Variants in PROKR1 observed in about 807,000 individuals in gnomAD.
The protein encoded by PROKR1 is prokineticin receptor 1.
In PROKR1, 21 loss-of-function variants were observed where a neutral mutation model predicts 22.8. That is an observed-to-expected ratio of 0.92 (90% CI 0.65 to 1.32). PROKR1 has a LOEUF of 1.32. Ranked by LOEUF, PROKR1 falls within the 40% of genes most tolerant of loss-of-function variation. PROKR1 has a pLI of 0.00. For missense variants in PROKR1, 548 were observed against 514.2 expected (o/e 1.07, Z -0.64); for synonymous variants, 193 against 207.5 (o/e 0.93, Z 0.60).
rs1673429575 is a variant in PROKR1, at chr2:68,655,403, A to G, written c.1009A>G (p.Ile337Val). Residue 337 changes from isoleucine (I) to valine (V), a missense_variant, in exon 3 of 3, where the codon ATC becomes GTC. By Grantham distance (29) the Ile-to-Val change is conservative (BLOSUM62 3). Coordinates refer to ENST00000303786, the MANE Select transcript of PROKR1 (RefSeq NM_138964.4). ...GTGCATCGCCATGAGCAACAGCATG[A>G]TCAACACTCTGTGCTTCGTGACCGT... Reference protein sequence around the residue: ...VECIAMSNSMINTLCFVTVKN... With the variant: ...VECIAMSNSMVNTLCFVTVKN... 1 of 1,614,180 alleles carries G rather than the reference A, an allele frequency of 6.2e-7. No homozygotes were observed. Among genetic ancestry groups the G allele is most frequent in the Non-Finnish European group, 8.5e-7 (1 of 1,179,968 alleles).
intron 2 of PROKR1, among the ~76,000 whole-genome samples, chr2:68,651,793 T>G (rs1395112851): frequency 6.6e-6 from 1 of 152,232 alleles, no homozygotes; most frequent in Non-Finnish European, 1.5e-5. Flanking sequence ...ATCACAGTTA[T>G]TGCCTGGACC....
chr2:68,652,378 G>A (rs894701050), intron 2 of PROKR1, among the ~76,000 whole-genome samples: 3 of 152,164 alleles, frequency 2.0e-5, no homozygotes, highest in Non-Finnish European at 4.4e-5. Context: ...CAAAGCTGAT[G>A]GAAATTCTTG....
intron 2 of PROKR1, among the ~76,000 whole-genome samples, chr2:68,651,071 G>A (rs895705733): frequency 6.6e-6 from 1 of 152,152 alleles, no homozygotes; most frequent in African/African-American, 2.4e-5. Context: ...GAGGGCAGGA[G>A]GAAAATGAGG....
rs915071867 is a variant in PROKR1 at position 68,654,774 on chromosome 2, T to G, written c.486-106T>G. 6 of 1,122,860 alleles carry G rather than the reference T, an allele frequency of 5.3e-6. No homozygotes were observed. The African/African-American group carries it at 9.6e-5, about 18-fold the overall frequency. 69.6% of individuals were successfully genotyped at this position (1,122,860 alleles called of 1,614,324 possible). On this transcript the variant is annotated intron_variant, in intron 2 of 2. Coordinates refer to ENST00000303786, the MANE Select transcript of PROKR1 (RefSeq NM_138964.4). ...GATCATGCCACTGCACTCACTGCAC[T>G]CCAGCCTGGGTGACAGAGCAAAACC...
At chr2:68,654,792 G>C in intron 2 of PROKR1, 88 bp from the exon 3 acceptor site, 1 of 1,295,674 alleles carries the variant, frequency 7.7e-7, no homozygotes, top group East Asian at 2.4e-5. Flanking sequence ...GGGTGACAGA[G>C]CAAAACCCTG....
rs1490833526 is a variant in PROKR1, at chr2:68,655,792, G to A, written c.*216G>A. ...CATTTGCTGAATGTCTAATTTACAC[G>A]CCAGTAGGTACTGGTAAAACCTATA... On this transcript the variant is annotated 3_prime_UTR_variant, in exon 3 of 3. Coordinates refer to ENST00000303786, the MANE Select transcript of PROKR1 (RefSeq NM_138964.4). 6.7e-6 allele frequency: 4 copies of A among 599,024 alleles called. No homozygotes were observed. Among genetic ancestry groups the A allele is most frequent in the South Asian group, 2.0e-5 (1 of 51,274 alleles). 37.1% of individuals were successfully genotyped at this position (599,024 alleles called of 1,614,324 possible).
chr2:68,651,612 C>T (rs997883956), intron 2 of PROKR1, among the ~76,000 whole-genome samples: 1 of 152,176 alleles, frequency 6.6e-6, no homozygotes, highest in Non-Finnish European at 1.5e-5. Context: ...ACAGAAACCT[C>T]CTGGTGAGCT....
At position 68,655,392 on chromosome 2, in the gene PROKR1, G is replaced by A. The variant is rs1558580435; in HGVS notation, c.998G>A (p.Ser333Asn). The A allele has an allele frequency of 8.1e-6, 13 of 1,614,120 alleles. No individual in the cohort carries two copies. The highest frequency in any genetic ancestry group is 1.1e-5 in the Non-Finnish European group (13 of 1,179,966). The change falls in exon 3 of 3, where the codon AGC becomes AAC. Residue 333 changes from serine to asparagine, a missense_variant. By Grantham distance (46) the Ser-to-Asn change is conservative. Coordinates refer to ENST00000303786, the MANE Select transcript of PROKR1 (RefSeq NM_138964.4). ...TACATCGTCGAGTGCATCGCCATGA[G>A]CAACAGCATGATCAACACTCTGTGC... is the stretch of plus-strand genomic sequence containing the variant. ...AFYIVECIAM[S>N]NSMINTLCFV...
Position 68,646,223 on chromosome 2 carries a change from C to A in PROKR1, c.402C>A (p.His134Gln). The A allele has an allele frequency of 6.2e-7, 1 of 1,613,470 alleles. No homozygotes were observed. Among genetic ancestry groups the A allele is most frequent in the Non-Finnish European group, 8.5e-7 (1 of 1,179,596 alleles). Residue 134 changes from histidine to glutamine, a missense_variant, in exon 2 of 3, where the codon CAC becomes CAA. Transcript: ENST00000303786. ...GCCAGCTCTCCTGGGAGCACGGCCA[C>A]GTCCTGTGCACCTCTGTCAACTACC... ...VVRQLSWEHG[H>Q]VLCTSVNYLR...
intron 2 of PROKR1, among the ~76,000 whole-genome samples, chr2:68,650,485 C>T (rs1003106312): frequency 1.3e-5 from 2 of 152,094 alleles, no homozygotes; most frequent in East Asian, 1.9e-4. Flanking sequence ...TATTGTGCCC[C>T]GACCTCCCAA....
Position 68,657,612 on chromosome 2 carries a change from T to G in PROKR1, c.*2036T>G, listed in dbSNP as rs937246271. ...ATGGAATAGTTGTTTCTCAGTCTGTTTTTATTCTCACGAGTGTGTAGGCTA... is the reference window on the plus strand; with the variant it reads ...ATGGAATAGTTGTTTCTCAGTCTGTGTTTATTCTCACGAGTGTGTAGGCTA... On this transcript the variant is annotated 3_prime_UTR_variant, in exon 3 of 3. Coordinates refer to ENST00000303786, the MANE Select transcript of PROKR1 (RefSeq NM_138964.4). The G allele has an allele frequency of 6.6e-6, 1 of 152,196 alleles. No homozygotes were observed. The highest frequency in any genetic ancestry group is 6.5e-5 in the Admixed American group (1 of 15,282). The allele number at this position is 152,196 out of a possible 1,614,324, so 9.4% of individuals were successfully genotyped here. A position where few individuals can be genotyped will look rare whatever the true frequency, so the allele number is the denominator to read the frequency against.
chr2:68,655,427 G>T lies in PROKR1; in HGVS notation c.1033G>T (p.Val345Phe). 3 of 1,614,060 alleles carry T rather than the reference G, an allele frequency of 1.9e-6. No individual in the cohort carries two copies. Among genetic ancestry groups the T allele is most frequent in the Non-Finnish European group, 2.5e-6 (3 of 1,179,904 alleles). ...SMINTLCFVT[V>F]KNDTVKYFKK... is the part of the protein sequence containing the mutation. ...GATCAACACTCTGTGCTTCGTGACC[G>T]TCAAGAACGACACCGTCAAGTACTT... The change falls in exon 3 of 3, where the codon GTC becomes TTC. Residue 345 changes from valine to phenylalanine, a missense_variant. Physicochemically the swap from Val to Phe is conservative, Grantham distance 50. Coordinates refer to ENST00000303786, the MANE Select transcript of PROKR1 (RefSeq NM_138964.4).
At chr2:68,649,252 G>C (rs1220306433) in intron 2 of PROKR1, among the ~76,000 whole-genome samples, 1 of 152,164 alleles carries the variant, frequency 6.6e-6, no homozygotes, top group Non-Finnish European at 1.5e-5. Flanking sequence ...TAACCTAGAA[G>C]AAAGTCTCCT....
intron 1 of PROKR1, among the ~76,000 whole-genome samples, chr2:68,644,675 C>T (rs1673136114): frequency 6.6e-6 from 1 of 152,188 alleles, no homozygotes; most frequent in African/African-American, 2.4e-5. Flanking sequence ...CCTCTGTTCT[C>T]CTGACATTTG....
At chr2:68,650,555 C>T (rs1673294402) in intron 2 of PROKR1, among the ~76,000 whole-genome samples, 1 of 152,076 alleles carries the variant, frequency 6.6e-6, no homozygotes, top group Non-Finnish European at 1.5e-5. Context: ...TGTCTATTCA[C>T]CCAGCGCTAG....
At chr2:68,650,602 T>C (rs1161429731) in intron 2 of PROKR1, among the ~76,000 whole-genome samples, 1 of 151,946 alleles carries the variant, frequency 6.6e-6, no homozygotes, top group Non-Finnish European at 1.5e-5. Context: ...AAAATCCTGT[T>C]AGGTACTCAG....
intron 2 of PROKR1, among the ~76,000 whole-genome samples, chr2:68,650,527 T>C (rs1006638314): frequency 1.3e-5 from 2 of 152,178 alleles, no homozygotes; most frequent in African/African-American, 4.8e-5. Flanking sequence ...AGCCACTGTG[T>C]CCAGCCAGCT....
chr2:68,653,099 A>G (rs1460077749), intron 2 of PROKR1, among the ~76,000 whole-genome samples: 2 of 152,226 alleles, frequency 1.3e-5, no homozygotes, highest in African/African-American at 4.8e-5. Flanking sequence ...CTCCATTTTC[A>G]TTGTGAGTCA....
At chr2:68,647,311 G>A (rs1230858734) in intron 2 of PROKR1, among the ~76,000 whole-genome samples, 1 of 152,116 alleles carries the variant, frequency 6.6e-6, no homozygotes, top group East Asian at 1.9e-4. Context: ...TTCCTCGGGG[G>A]ACAATCTTTG....
Sources: allele counts gnomAD v4.1 joint callset (sites outside exome capture counted in the v4.1 genomes callset), GRCh38; gene constraint gnomAD v4.1.1; transcripts MANE v1.5; gene names NCBI Gene and HGNC (gene_info 2026-07-23, HGNC 2026-07-21).